The following NCAM1 variants were observed in gnomAD, a reference collection of about 807,000 sequenced individuals.
NCAM1 encodes the protein neural cell adhesion molecule 1.
NCAM1 carries 14 observed loss-of-function variants against 109.8 expected under a neutral mutation model. The observed-to-expected ratio is 0.13, with a 90% CI of 0.08 to 0.20. The LOEUF (loss-of-function observed/expected upper bound fraction) is 0.20, where lower values mean the gene tolerates loss of function less well. Ranked by LOEUF, NCAM1 falls within the 10% of genes least tolerant of loss-of-function variation. NCAM1 has a pLI of 1.00. For synonymous variants in NCAM1, 418 were observed against 442.9 expected, an observed-to-expected ratio of 0.94 and a Z score of 0.70; for missense variants, 774 against 1,109.9, an observed-to-expected ratio of 0.70 and a Z score of 4.30.
chr11:113,197,725 C>T (rs1274367041), intron 1 of NCAM1, among the ~76,000 whole-genome samples: 2 of 152,178 alleles, frequency 1.3e-5, no homozygotes, highest in Non-Finnish European at 2.9e-5. Context: ...CTGCTGTCAG[C>T]TCCTCCCTCC....
chr11:113,198,864 T>C (rs56012221), intron 1 of NCAM1, among the ~76,000 whole-genome samples: 5,214 of 152,344 alleles, frequency 0.034, 143 homozygotes, highest in Middle Eastern at 0.095. Context: ...TTTATTTCTC[T>C]GAGCCCCAAT....
intron 1 of NCAM1, among the ~76,000 whole-genome samples, chr11:113,122,988 T>G (rs1457404496): frequency 1.3e-5 from 2 of 152,166 alleles, no homozygotes; most frequent in Non-Finnish European, 2.9e-5. Flanking sequence ...CTCACTCATA[T>G]GTGGGAGCTA....
At position 113,207,979 on chromosome 11, in the gene NCAM1, C is replaced by T. The variant is rs1944286279; in HGVS notation, c.893C>T (p.Ala298Val). Reference sequence around the variant, plus strand: ...GAGAACAAGGCTGGCGAGCAGGATGCGACCATCCACCTCAAAGTCTTTGGT... The same window carrying T: ...GAGAACAAGGCTGGCGAGCAGGATGTGACCATCCACCTCAAAGTCTTTGGT... ...IAENKAGEQD[A>V]TIHLKVFAKP... The change falls in exon 7 of 20, where the codon GCG becomes GTG. Residue 298 changes from alanine to valine, a missense_variant. Coordinates refer to ENST00000316851, the MANE Select transcript of NCAM1 (RefSeq NM_181351.5). 6 of 1,609,774 alleles carry T rather than the reference C, an allele frequency of 3.7e-6. No homozygotes were observed. Among genetic ancestry groups the T allele is most frequent in the African/African-American group, 1.3e-5 (1 of 74,856 alleles).
intron 1 of NCAM1, among the ~76,000 whole-genome samples, chr11:113,106,555 A>G (rs532019277): frequency 6.6e-6 from 1 of 152,362 alleles, no homozygotes; most frequent in East Asian, 1.9e-4. Context: ...ACCAAATATT[A>G]TCATCTGGTA....
At chr11:113,032,836 C>T (rs1284056329) in intron 1 of NCAM1, among the ~76,000 whole-genome samples, 2 of 152,118 alleles carry the variant, frequency 1.3e-5, no homozygotes, top group Non-Finnish European at 2.9e-5. Context: ...TTTTCTTATA[C>T]TTAGCTGGAT....
At chr11:113,201,091 C>G (rs894273459) in intron 1 of NCAM1, among the ~76,000 whole-genome samples, 14 of 152,150 alleles carry the variant, frequency 9.2e-5, no homozygotes, top group African/African-American at 1.4e-4. Flanking sequence ...ACCACATCAC[C>G]TCTTTCTCTC....
intron 1 of NCAM1, among the ~76,000 whole-genome samples, chr11:113,008,362 C>A (rs571157874): frequency 1.8e-4 from 28 of 152,088 alleles, no homozygotes; most frequent in Non-Finnish European, 3.8e-4. Flanking sequence ...CTCTCCAGAG[C>A]ACACCTCAAG....
intron 7 of NCAM1, among the ~76,000 whole-genome samples, chr11:113,212,761 T>C (rs1462105129): frequency 6.6e-6 from 1 of 152,236 alleles, no homozygotes; most frequent in Non-Finnish European, 1.5e-5. Context: ...TTATTTTACT[T>C]TGCCCTCTAA....
At position 113,204,292 on chromosome 11, in the gene NCAM1, G is replaced by A. The variant is rs1326960381; in HGVS notation, c.134G>A (p.Gly45Glu). 1 of 1,609,892 alleles carries A rather than the reference G, an allele frequency of 6.2e-7. No homozygotes were observed. Among genetic ancestry groups the A allele is most frequent in the Non-Finnish European group, 8.5e-7 (1 of 1,178,022 alleles). ...ESKFFLCQVA[G>E]DAKDKDISWF... ...ATAATCTCTTCCTCTTTAGTGGCAGGAGATGCCAAAGATAAAGACATCTCC... is the reference window on the plus strand; with the variant it reads ...ATAATCTCTTCCTCTTTAGTGGCAGAAGATGCCAAAGATAAAGACATCTCC... Residue 45 changes from glycine to glutamate, a missense_variant, in exon 3 of 20, where the codon GGA (glycine) becomes GAA (glutamate). Physicochemically the swap from Gly to Glu is moderately conservative, Grantham distance 98 (BLOSUM62 -2). This residue lies in a region of NCAM1 where 112 missense variants were observed against 142.0 expected (regional missense o/e 0.79). Coordinates refer to ENST00000316851, the MANE Select transcript of NCAM1 (RefSeq NM_181351.5).
At chr11:113,257,047 C>CTGCAG (rs1945851509) in intron 16 of NCAM1, among the ~76,000 whole-genome samples, 1 of 152,238 alleles carries the variant, frequency 6.6e-6, no homozygotes, top group Non-Finnish European at 1.5e-5. Flanking sequence ...TACTTCTCAG[C>CTGCAG]TGCAGAGGCC....
chr11:113,266,189 C>T (rs1555124379), intron 17 of NCAM1, among the ~76,000 whole-genome samples: 3 of 152,216 alleles, frequency 2.0e-5, no homozygotes. Flanking sequence ...CTTTGTTCTT[C>T]TAGTTATCTT....
At chr11:113,117,045 A>G (rs978916912) in intron 1 of NCAM1, among the ~76,000 whole-genome samples, 19 of 152,070 alleles carry the variant, frequency 1.2e-4, no homozygotes, top group African/African-American at 3.6e-4. Flanking sequence ...CATAAATTAC[A>G]TGTTTCTCTT....
intron 14 of NCAM1, among the ~76,000 whole-genome samples, chr11:113,244,112 T>C (rs1241329726): frequency 1.3e-5 from 2 of 152,190 alleles, no homozygotes; most frequent in Non-Finnish European, 2.9e-5. Flanking sequence ...CCCCTTTTCT[T>C]ATTCTACAGT....
rs563696903 is a variant in NCAM1 at position 113,188,568 on chromosome 11, G to A, written c.53-13811G>A. Among the ~76,000 whole-genome samples, 4 of 152,258 alleles carry A rather than the reference G, an allele frequency of 2.6e-5. No individual in the cohort carries two copies. The East Asian group carries it at 7.7e-4, about 29-fold the overall frequency. On this transcript the variant is annotated intron_variant, in intron 1 of 19. Coordinates refer to ENST00000316851, the MANE Select transcript of NCAM1 (RefSeq NM_181351.5). ...TCTGTTCAGATTGATACTAGTCTGAGGGCTTCTCAGTTTTAGAGCTGTCAG... is the reference window on the plus strand; with the variant it reads ...TCTGTTCAGATTGATACTAGTCTGAAGGCTTCTCAGTTTTAGAGCTGTCAG...
chr11:113,022,158 GACTT>G (rs2135249542), intron 1 of NCAM1, among the ~76,000 whole-genome samples: 1 of 152,300 alleles, frequency 6.6e-6, no homozygotes, highest in Non-Finnish European at 1.5e-5. Context: ...ACAGGCCTCT[GACTT>G]ACTTCGCTTA....
chr11:113,073,169 ACTT>A (rs1555085594), intron 1 of NCAM1, among the ~76,000 whole-genome samples: 2 of 152,146 alleles, frequency 1.3e-5, no homozygotes, highest in African/African-American at 4.8e-5. Flanking sequence ...ATCTATATGA[ACTT>A]CTTTACTTTT....
chr11:113,102,058 G>A (rs1054707958), intron 1 of NCAM1, among the ~76,000 whole-genome samples: 1 of 152,200 alleles, frequency 6.6e-6, no homozygotes, highest in Non-Finnish European at 1.5e-5. Context: ...GAAAGAAAAT[G>A]TGATTGTTTA....
chr11:113,066,570 C>A (rs965580708), intron 1 of NCAM1, among the ~76,000 whole-genome samples: 1 of 152,136 alleles, frequency 6.6e-6, no homozygotes, highest in Non-Finnish European at 1.5e-5. Flanking sequence ...ACCTTCAAAT[C>A]GCATACTCCT....
intron 7 of NCAM1, 21 bp downstream of exon 7, chr11:113,208,023 G>C: frequency 5.6e-6 from 9 of 1,593,320 alleles, no homozygotes; most frequent in Non-Finnish European, 6.8e-6. Flanking sequence ...TGGGGGCCCA[G>C]GTCACTGCTC....
Sources: gnomAD v4.1 joint callset for allele counts (sites outside exome capture counted in the v4.1 genomes callset) on GRCh38, gnomAD v4.1.1 for gene constraint, gnomAD v4.1.1 regional missense constraint, MANE v1.5 for transcripts, NCBI Gene and HGNC (gene_info 2026-07-23, HGNC 2026-07-21) for gene names.